DPYSL3: variants seen among roughly 807,000 people sequenced by gnomAD.
The protein encoded by DPYSL3 is dihydropyrimidinase like 3.
A neutral mutation model predicts 66.1 loss-of-function variants in DPYSL3; 16 were observed. The ratio of observed to expected loss-of-function variants is 0.24; its 90% CI spans 0.16 to 0.37. The LOEUF (loss-of-function observed/expected upper bound fraction) is 0.37, where lower values mean the gene tolerates loss of function less well. DPYSL3 is among the 10% of genes least tolerant of loss of function. The probability of loss-of-function intolerance (pLI) is 1.00; values close to 1 mark genes in which losing one functional copy is unlikely to be tolerated. For synonymous variants in DPYSL3, 338 were observed against 345.1 expected (o/e 0.98, Z 0.23); for missense variants, 738 against 916.2 (o/e 0.81, Z 2.51).
At chr5:147,491,404 C>T (rs1000382985) in intron 1 of DPYSL3, among the ~76,000 whole-genome samples, 5 of 152,114 alleles carry the variant, frequency 3.3e-5, no homozygotes, top group Non-Finnish European at 7.4e-5. Flanking sequence ...GCAAGGTATA[C>T]TAAAAGGCAG....
chr5:147,503,642 C>T (rs1753645562), intron 1 of DPYSL3, among the ~76,000 whole-genome samples: 1 of 152,120 alleles, frequency 6.6e-6, no homozygotes, highest in African/African-American at 2.4e-5. Flanking sequence ...TATATATGCA[C>T]ATATGTGTAA....
At chr5:147,455,038 A>T (rs1370814342) in intron 1 of DPYSL3, among the ~76,000 whole-genome samples, 1 of 152,238 alleles carries the variant, frequency 6.6e-6, no homozygotes, top group Non-Finnish European at 1.5e-5. Flanking sequence ...TCTATTAAAT[A>T]GAAATCCTGT....
chr5:147,436,902 G>A (rs1216296088), intron 1 of DPYSL3, among the ~76,000 whole-genome samples: 2 of 152,210 alleles, frequency 1.3e-5, no homozygotes, highest in Non-Finnish European at 2.9e-5. Flanking sequence ...GTAAGACTAA[G>A]AATAATTTTG....
intron 1 of DPYSL3, among the ~76,000 whole-genome samples, chr5:147,467,570 A>G (rs1311688528): frequency 1.3e-5 from 2 of 152,220 alleles, no homozygotes; most frequent in Non-Finnish European, 2.9e-5. Flanking sequence ...CCTTCCAAAA[A>G]GGCATACACA....
Position 147,509,509 on chromosome 5 carries a change from T to A in DPYSL3, c.350A>T (p.Glu117Val), listed in dbSNP as rs1753727241. Residue 117 changes from glutamate to valine, a missense_variant, in exon 1 of 14, where the codon GAG becomes GTG. By Grantham distance (121) the Glu-to-Val change is moderately radical (BLOSUM62 -2). Transcript: ENST00000343218. This position sits in a 1 kb window ranked among gnomAD's most constrained non-coding sequence, Gnocchi z 5.3. ...CTTGGGGCCGAGGTTCTGCAACACC[T>A]CTTTGCCGGTGGCGCTCCGGATCTC... The part of the protein sequence containing the change: ...GVEIRSATGK[E>V]VLQNLGPKDK... 6.5e-7 allele frequency: 1 copy of A among 1,532,402 alleles called. No individual in the cohort carries two copies. Among genetic ancestry groups the A allele is most frequent in the African/African-American group, 1.4e-5 (1 of 72,966 alleles). The allele number at this position is 1,532,402 out of a possible 1,614,324, so 94.9% of individuals were successfully genotyped here.
intron 1 of DPYSL3, among the ~76,000 whole-genome samples, chr5:147,499,920 CAAAGGTA>C (rs1178221155): frequency 6.6e-6 from 1 of 151,864 alleles, no homozygotes; most frequent in East Asian, 1.9e-4. Context: ...TATGAAGGAG[CAAAGGTA>C]ATACAATGGA....
chr5:147,421,485 T>C (rs2126320102), intron 2 of DPYSL3, among the ~76,000 whole-genome samples: 1 of 152,356 alleles, frequency 6.6e-6, no homozygotes, highest in South Asian at 2.1e-4. Flanking sequence ...CCATTGATTT[T>C]CTTCACAGAA....
At position 147,413,739 on chromosome 5, in the gene DPYSL3, C is replaced by T. The variant is rs891194580; in HGVS notation, c.821-82G>A. 3.9e-5 allele frequency: 44 copies of T among 1,116,156 alleles called. No individual in the cohort carries two copies. In the African/African-American group the frequency reaches 5.9e-4, roughly 15 times the overall value. 69.1% of individuals were successfully genotyped at this position (1,116,156 alleles called of 1,614,324 possible). A position where few individuals can be genotyped will look rare whatever the true frequency, so the allele number is the denominator to read the frequency against. On this transcript the variant is annotated intron_variant, in intron 4 of 13. Transcript: ENST00000343218. ...CTCCATCCTTTGCTCCCACTTCCAT[C>T]GACCATAGCACCCAGCTGCATTACC... is the stretch of plus-strand genomic sequence containing the variant.
Position 147,415,700 on chromosome 5 carries a change from CG to C in DPYSL3, c.820+8del. ...AAGAGAGGAGGGAGGACGGCATGTC[CG>C]GGCTCACCTTTGTCCTTGATGAGGT... is the stretch of plus-strand genomic sequence containing the variant. On this transcript the variant is annotated splice_region_variant and intron_variant, in intron 4 of 13. Transcript: ENST00000343218. The C allele has an allele frequency of 6.2e-7, 1 of 1,612,376 alleles. No homozygotes were observed. Among genetic ancestry groups the C allele is most frequent in the Non-Finnish European group, 8.5e-7 (1 of 1,179,122 alleles).
intron 1 of DPYSL3, among the ~76,000 whole-genome samples, chr5:147,480,556 T>A (rs1231178387): frequency 6.6e-6 from 1 of 152,100 alleles, no homozygotes; most frequent in Non-Finnish European, 1.5e-5. Context: ...GTCACACAGC[T>A]GGTAAGCAGC....
intron 12 of DPYSL3, among the ~76,000 whole-genome samples, chr5:147,396,865 GTATATA>G (rs10561140): frequency 0.017 from 2,517 of 144,574 alleles, 38 homozygotes; most frequent in Admixed American, 0.061. Context: ...GTATATGTGT[GTATATA>G]TATATATATA....
chr5:147,457,933 T>G (rs1561795638), intron 1 of DPYSL3, among the ~76,000 whole-genome samples: 1 of 152,210 alleles, frequency 6.6e-6, no homozygotes, highest in Non-Finnish European at 1.5e-5. Context: ...ATTTGTCTTC[T>G]GACTCCATCT....
chr5:147,478,944 G>A (rs983740434), intron 1 of DPYSL3, among the ~76,000 whole-genome samples: 1 of 152,164 alleles, frequency 6.6e-6, no homozygotes, highest in East Asian at 1.9e-4. Context: ...CACCAGATCA[G>A]ACTTGCCTTT....
At chr5:147,471,528 C>T (rs1383533768) in intron 1 of DPYSL3, among the ~76,000 whole-genome samples, 2 of 152,092 alleles carry the variant, frequency 1.3e-5, no homozygotes, top group South Asian at 2.1e-4. Flanking sequence ...GGAAAGAATT[C>T]GATTGGCTCT....
chr5:147,416,052 G>A (rs1751960956), intron 3 of DPYSL3, among the ~76,000 whole-genome samples, 179 bp from the exon 4 acceptor site: 1 of 152,134 alleles, frequency 6.6e-6, no homozygotes, highest in Admixed American at 6.6e-5. Context: ...ATGTCACAAA[G>A]CTATGTGATT....
chr5:147,502,297 C>T (rs1753623052), intron 1 of DPYSL3, among the ~76,000 whole-genome samples: 1 of 151,922 alleles, frequency 6.6e-6, no homozygotes, highest in African/African-American at 2.4e-5. Context: ...ACCTTCAGAC[C>T]ACGCTAAATG....
At chr5:147,420,138 A>T (rs927795457) in intron 2 of DPYSL3, among the ~76,000 whole-genome samples, 5 of 152,188 alleles carry the variant, frequency 3.3e-5, no homozygotes, top group Non-Finnish European at 5.9e-5. Flanking sequence ...AATGAGTGAG[A>T]CTGGATGTGG....
intron 1 of DPYSL3, among the ~76,000 whole-genome samples, chr5:147,464,116 T>C (rs1297095133): frequency 3.3e-5 from 5 of 152,096 alleles, no homozygotes; most frequent in Non-Finnish European, 7.4e-5. Context: ...CCATCCTGAG[T>C]GTGAAGGAAT....
At chr5:147,486,374 TTTTA>T (rs891041390) in intron 1 of DPYSL3, among the ~76,000 whole-genome samples, 1 of 152,216 alleles carries the variant, frequency 6.6e-6, no homozygotes, top group African/African-American at 2.4e-5. Flanking sequence ...GCTCAAAAAT[TTTTA>T]TTTTTCATCC....
Sources: allele counts gnomAD v4.1 joint callset (sites outside exome capture counted in the v4.1 genomes callset), GRCh38; gene constraint gnomAD v4.1.1; non-coding constraint Gnocchi (gnomAD v3.1); transcripts MANE v1.5; gene names NCBI Gene and HGNC (gene_info 2026-07-23, HGNC 2026-07-21).